SH3GL3: variants seen among roughly 807,000 people sequenced by gnomAD.
The protein encoded by SH3GL3 is SH3 domain containing GRB2 like 3, endophilin A3, also known as endophilin-A3.
Under a neutral mutation model 47.7 loss-of-function variants are expected in SH3GL3, and 33 were observed. That is an observed-to-expected ratio of 0.69 (90% confidence interval 0.52 to 0.92). The LOEUF is 0.92. Ranked by LOEUF, SH3GL3 falls within the 40% of genes least tolerant of loss-of-function variation. The probability of loss-of-function intolerance (pLI) is 0.00; values close to 1 mark genes in which losing one functional copy is unlikely to be tolerated. For missense variants in SH3GL3, 363 were observed against 417.8 expected, an observed-to-expected ratio of 0.87 and a Z score of 1.14; for synonymous variants, 155 against 148.8, an observed-to-expected ratio of 1.04 and a Z score of -0.30.
chr15:83,619,421 GA>G (rs1375126026), downstream of SH3GL3, among the ~76,000 whole-genome samples: 1 of 152,166 alleles, frequency 6.6e-6, no homozygotes, highest in Admixed American at 6.5e-5. Context: ...GTTGCTGGGG[GA>G]GGGGAGGAGG....
intron 1 of SH3GL3, among the ~76,000 whole-genome samples, chr15:83,469,341 T>C (rs2040726264): frequency 6.6e-6 from 1 of 152,172 alleles, no homozygotes; most frequent in Non-Finnish European, 1.5e-5. Flanking sequence ...CTTATCCTTA[T>C]TATTTTCTTC....
intron 8 of SH3GL3, among the ~76,000 whole-genome samples, chr15:83,606,755 G>A (rs11632807): frequency 1.1e-3 from 164 of 152,266 alleles, no homozygotes; most frequent in Non-Finnish European, 1.9e-3. Context: ...CCTCTAGACC[G>A]ATTTGAACTT....
the SH3GL3 span, among the ~76,000 whole-genome samples, chr15:83,627,571 T>C: frequency 6.6e-6 from 1 of 152,136 alleles, no homozygotes; most frequent in Non-Finnish European, 1.5e-5. Flanking sequence ...GGTTCTCAGA[T>C]CTCCCTGTTC....
chr15:83,448,444 G>A lies in SH3GL3; in HGVS notation c.45+866G>A, dbSNP rs199654339. Among the ~76,000 whole-genome samples, 66 of 54,330 alleles carry A rather than the reference G, an allele frequency of 1.2e-3. No homozygotes were observed. In the East Asian group the frequency reaches 0.031, roughly 25 times the overall value. The allele number at this position is 54,330 out of a possible 152,430, so 35.6% of individuals were successfully genotyped here. A position where few individuals can be genotyped will look rare whatever the true frequency, so the allele number is the denominator to read the frequency against. The stretch of plus-strand genomic sequence containing the variant: ...ACAGGAGGGGAGACATGAAATTGAT[G>A]TGTGTGTGTGTGTGTGTGTGTGTGT... On this transcript the variant is annotated intron_variant, in intron 1 of 8. Transcript: ENST00000427482. This position sits in a 1 kb window ranked among gnomAD's most constrained non-coding sequence, Gnocchi z 4.2.
At chr15:83,462,786 A>G (rs890211191) in intron 1 of SH3GL3, among the ~76,000 whole-genome samples, 1 of 152,236 alleles carries the variant, frequency 6.6e-6, no homozygotes, top group African/African-American at 2.4e-5. Flanking sequence ...AAACTTGATG[A>G]CATCCAGACA....
At chr15:83,613,858 G>C (rs1350312553) in intron 8 of SH3GL3, among the ~76,000 whole-genome samples, 1 of 152,002 alleles carries the variant, frequency 6.6e-6, no homozygotes, top group East Asian at 1.9e-4. Context: ...AGGCATTGAT[G>C]GCTTCTCTTG....
chr15:83,484,587 T>A (rs1006449489), intron 1 of SH3GL3, among the ~76,000 whole-genome samples: 5 of 152,152 alleles, frequency 3.3e-5, no homozygotes, highest in African/African-American at 1.2e-4. Context: ...ATTTTGGTTG[T>A]TTTTTTGTAT....
chr15:83,601,189 T>G (rs2060368966), intron 8 of SH3GL3, among the ~76,000 whole-genome samples: 1 of 152,226 alleles, frequency 6.6e-6, no homozygotes, highest in Admixed American at 6.5e-5. Context: ...GCCCTTTATT[T>G]CTTTCTCTTG....
At chr15:83,472,118 A>G (rs2040858732) in intron 1 of SH3GL3, among the ~76,000 whole-genome samples, 1 of 152,208 alleles carries the variant, frequency 6.6e-6, no homozygotes, top group South Asian at 2.1e-4. Context: ...TCCTGACCTC[A>G]GGTGATCCGC....
At chr15:83,491,103 T>C (rs1596093226) in intron 1 of SH3GL3, among the ~76,000 whole-genome samples, 1 of 152,124 alleles carries the variant, frequency 6.6e-6, no homozygotes, top group East Asian at 1.9e-4. Flanking sequence ...AGTCCGAGAA[T>C]CCTGTGGGTA....
At chr15:83,463,143 C>A (rs187887464) in intron 1 of SH3GL3, among the ~76,000 whole-genome samples, 9 of 152,292 alleles carry the variant, frequency 5.9e-5, no homozygotes, top group Non-Finnish European at 8.8e-5. Context: ...TAAAATAACT[C>A]CACAAGAAAT....
At chr15:83,457,617 A>G (rs143529631) in intron 1 of SH3GL3, among the ~76,000 whole-genome samples, 9 of 152,356 alleles carry the variant, frequency 5.9e-5, no homozygotes, top group African/African-American at 1.7e-4. Flanking sequence ...TTGTTTCACT[A>G]TCTCATTAGA....
the SH3GL3 span, among the ~76,000 whole-genome samples, chr15:83,626,111 CAT>C: frequency 6.6e-6 from 1 of 152,138 alleles, no homozygotes; most frequent in African/African-American, 2.4e-5. Context: ...AGATTACAGG[CAT>C]GAGCTATCGC....
At chr15:83,536,163 T>C (rs1410353415) in intron 1 of SH3GL3, among the ~76,000 whole-genome samples, 19 of 152,200 alleles carry the variant, frequency 1.2e-4, no homozygotes, top group Admixed American at 1.2e-3. Flanking sequence ...TTTATTCTAG[T>C]TGGAACCCAT....
At position 83,618,089 on chromosome 15, in the gene SH3GL3, C is replaced by A; in HGVS notation, c.846C>A (p.Asn282Lys). The A allele has an allele frequency of 6.2e-7, 1 of 1,610,060 alleles. No individual in the cohort carries two copies. The highest frequency in any genetic ancestry group is 8.5e-7 in the Non-Finnish European group (1 of 1,176,254). ...TCCATATCATGTGGACAGGTTCTAACATTCCCATGGACCAGCCCTGCTGTC... is the reference window on the plus strand; with the variant it reads ...TCCATATCATGTGGACAGGTTCTAAAATTCCCATGGACCAGCCCTGCTGTC... ...TTSVVKTTGSNIPMDQPCCRG... is the reference protein window; with the variant it reads ...TTSVVKTTGSKIPMDQPCCRG... The change falls in exon 9 of 9, where the codon AAC becomes AAA. Residue 282 changes from asparagine (N) to lysine (K), a missense_variant. By Grantham distance (94) the Asn-to-Lys change is moderately conservative (BLOSUM62 0). Coordinates refer to ENST00000427482, the MANE Select transcript of SH3GL3 (RefSeq NM_003027.5).
At chr15:83,631,273 G>C in the SH3GL3 span, among the ~76,000 whole-genome samples, 1 of 152,212 alleles carries the variant, frequency 6.6e-6, no homozygotes, top group African/African-American at 2.4e-5. Context: ...TTGGCATTGA[G>C]TGTCTGCAGC....
At chr15:83,497,631 C>T (rs1043589230) in intron 1 of SH3GL3, among the ~76,000 whole-genome samples, 10 of 152,170 alleles carry the variant, frequency 6.6e-5, no homozygotes, top group Non-Finnish European at 2.9e-5. Context: ...TCCCCTTAGG[C>T]CTCCCCTGTC....
chr15:83,543,278 A>G (rs1047800595), intron 1 of SH3GL3, among the ~76,000 whole-genome samples: 12 of 152,238 alleles, frequency 7.9e-5, no homozygotes, highest in African/African-American at 2.9e-4. Flanking sequence ...GATGTATCAC[A>G]CTAATTGATT....
chr15:83,511,475 T>C (rs933502462), intron 1 of SH3GL3, among the ~76,000 whole-genome samples: 1 of 152,262 alleles, frequency 6.6e-6, no homozygotes, highest in African/African-American at 2.4e-5. Flanking sequence ...ATGTTCTTCC[T>C]ATAATTTTAG....
Sources: allele counts gnomAD v4.1 joint callset (sites outside exome capture counted in the v4.1 genomes callset), GRCh38; gene constraint gnomAD v4.1.1; non-coding constraint Gnocchi (gnomAD v3.1); transcripts MANE v1.5; gene names NCBI Gene and HGNC (gene_info 2026-07-23, HGNC 2026-07-21).